The following UNC13C variants were observed in gnomAD, a reference collection of about 807,000 sequenced individuals.
UNC13C encodes the protein protein unc-13 homolog C.
A neutral mutation model predicts 245.4 loss-of-function variants in UNC13C; 174 were observed. That is an observed-to-expected ratio of 0.71 (90% CI 0.63 to 0.80). The LOEUF (loss-of-function observed/expected upper bound fraction) is 0.80, where lower values mean the gene tolerates loss of function less well. Among genes scored for constraint, UNC13C ranks in the 30% least tolerant of loss-of-function variants. The probability of loss-of-function intolerance (pLI) is 0.00; values close to 1 mark genes in which losing one functional copy is unlikely to be tolerated. For synonymous variants in UNC13C, 992 were observed against 895.1 expected (o/e 1.11, Z -1.93); for missense variants, 2,829 against 2,602.9 (o/e 1.09, Z -1.89).
intron 22 of UNC13C, among the ~76,000 whole-genome samples, chr15:54,502,832 G>A (rs928376626): frequency 6.6e-6 from 1 of 152,130 alleles, no homozygotes; most frequent in Admixed American, 6.6e-5. Context: ...GGTAGGTTAT[G>A]TAAGTTGGGC....
intron 4 of UNC13C, among the ~76,000 whole-genome samples, chr15:54,169,625 C>A (rs541284998): frequency 6.6e-6 from 1 of 152,168 alleles, no homozygotes; most frequent in African/African-American, 2.4e-5. Flanking sequence ...CTTTGCTGCA[C>A]TGCCCACCAT....
chr15:53,917,477 A>G, the UNC13C span, among the ~76,000 whole-genome samples: 1 of 152,244 alleles, frequency 6.6e-6, no homozygotes, highest in South Asian at 2.1e-4. Context: ...GTTCTTAGGT[A>G]ACAAGTGATC....
intron 32 of UNC13C, among the ~76,000 whole-genome samples, chr15:54,626,093 G>GA (rs1901122883): frequency 6.6e-6 from 1 of 152,254 alleles, no homozygotes; most frequent in African/African-American, 2.4e-5. Context: ...ACATTCATTA[G>GA]AAAATCAAGA....
At chr15:54,242,293 A>G (rs943387858) in intron 7 of UNC13C, among the ~76,000 whole-genome samples, 2 of 152,118 alleles carry the variant, frequency 1.3e-5, no homozygotes, top group Non-Finnish European at 2.9e-5. Context: ...TTTTGAGAGT[A>G]ATTTTTTGAC....
intron 2 of UNC13C, among the ~76,000 whole-genome samples, chr15:54,134,571 G>A (rs1334159023): frequency 6.6e-6 from 1 of 152,102 alleles, no homozygotes; most frequent in South Asian, 2.1e-4. Context: ...CCAGACTGGA[G>A]TGCAGTGGCG....
chr15:54,233,400 G>A (rs930197830), intron 4 of UNC13C, among the ~76,000 whole-genome samples: 5 of 152,022 alleles, frequency 3.3e-5, no homozygotes, highest in Non-Finnish European at 5.9e-5. Context: ...TGAAGTGCAC[G>A]ACTCTGAAAA....
At chr15:54,139,263 T>A (rs2031897369) in intron 2 of UNC13C, among the ~76,000 whole-genome samples, 1 of 151,626 alleles carries the variant, frequency 6.6e-6, no homozygotes, top group African/African-American at 2.4e-5. Context: ...CGGCCCAAAT[T>A]TCCCCTTTTT....
At chr15:54,019,107 C>T (rs986065251) in intron 2 of UNC13C, among the ~76,000 whole-genome samples, 1 of 152,174 alleles carries the variant, frequency 6.6e-6, no homozygotes, top group African/African-American at 2.4e-5. Flanking sequence ...CTTCTTATAA[C>T]ACCACTATTA....
intron 30 of UNC13C, among the ~76,000 whole-genome samples, chr15:54,608,727 G>A (rs902961347): frequency 9.2e-5 from 14 of 152,118 alleles, no homozygotes; most frequent in Non-Finnish European, 1.2e-4. Context: ...AGGGTTTATT[G>A]CATTATACCC....
chr15:53,861,797 T>C, the UNC13C span, among the ~76,000 whole-genome samples: 2 of 152,134 alleles, frequency 1.3e-5, no homozygotes, highest in African/African-American at 2.4e-5. Context: ...GAGTAGTCCA[T>C]GGAAGATAGG....
At chr15:54,462,992 A>C (rs953068136) in intron 19 of UNC13C, among the ~76,000 whole-genome samples, 8 of 152,024 alleles carry the variant, frequency 5.3e-5, no homozygotes, top group Admixed American at 5.2e-4. Context: ...CTCTGTGTCT[A>C]GCTTGGGGGT....
chr15:54,302,119 C>T (rs1168947962), intron 13 of UNC13C, among the ~76,000 whole-genome samples: 2 of 152,086 alleles, frequency 1.3e-5, no homozygotes, highest in African/African-American at 4.8e-5. Flanking sequence ...TATCCTTTGC[C>T]CACTTTGTAA....
At chr15:54,093,192 CAAA>C (rs3985783) in intron 2 of UNC13C, among the ~76,000 whole-genome samples, 1 of 146,510 alleles carries the variant, frequency 6.8e-6, no homozygotes, top group African/African-American at 2.5e-5. Flanking sequence ...ATGTAAATTA[CAAA>C]AAAAAAAAAG....
At chr15:54,133,776 T>C (rs765869392) in intron 2 of UNC13C, among the ~76,000 whole-genome samples, 1 of 152,184 alleles carries the variant, frequency 6.6e-6, no homozygotes, top group East Asian at 1.9e-4. Flanking sequence ...ACTATATCTA[T>C]CTATATACAC....
chr15:54,403,312 G>A (rs111640718), intron 18 of UNC13C, among the ~76,000 whole-genome samples: 59 of 152,128 alleles, frequency 3.9e-4, no homozygotes, highest in African/African-American at 1.4e-3. Flanking sequence ...AGGATGAGGC[G>A]GGTGGGTCTC....
the UNC13C span, among the ~76,000 whole-genome samples, chr15:53,973,192 T>C: frequency 3.3e-5 from 5 of 152,124 alleles, no homozygotes; most frequent in East Asian, 7.7e-4. Context: ...CTAAAACTTA[T>C]TAAGAATTTT....
At chr15:53,981,531 A>G (rs529788272) in intron 1 of UNC13C, among the ~76,000 whole-genome samples, 2 of 152,332 alleles carry the variant, frequency 1.3e-5, no homozygotes, top group South Asian at 4.1e-4. Context: ...AATTCAAAGT[A>G]TCAAATTTGT....
intron 4 of UNC13C, among the ~76,000 whole-genome samples, chr15:54,179,863 T>C (rs947003396): frequency 2.0e-5 from 3 of 151,858 alleles, no homozygotes; most frequent in African/African-American, 7.3e-5. Flanking sequence ...TTATTAAATA[T>C]CAAAGAAAAG....
intron 30 of UNC13C, among the ~76,000 whole-genome samples, chr15:54,614,033 A>T (rs1465027906): frequency 6.6e-6 from 1 of 151,984 alleles, no homozygotes; most frequent in Non-Finnish European, 1.5e-5. Flanking sequence ...AGTTCCCCAG[A>T]GGGACTTGGT....
Sources: allele counts gnomAD v4.1 joint callset (sites outside exome capture counted in the v4.1 genomes callset), GRCh38; gene constraint gnomAD v4.1.1; transcripts MANE v1.5; gene names NCBI Gene and HGNC (gene_info 2026-07-23, HGNC 2026-07-21).